Variants in DCC observed in about 807,000 individuals in gnomAD.
DCC encodes DCC netrin 1 receptor.
A neutral mutation model predicts 172.5 loss-of-function variants in DCC; 58 were observed. The observed-to-expected ratio is 0.34, with a 90% CI of 0.27 to 0.42. The LOEUF (loss-of-function observed/expected upper bound fraction) is 0.42, where lower values mean the gene tolerates loss of function less well. DCC is among the 10% of genes least tolerant of loss of function. The pLI, the probability that DCC is intolerant of heterozygous loss-of-function variation, is 1.00. For missense variants in DCC, 1,740 were observed against 1,791.0 expected, an observed-to-expected ratio of 0.97 and a Z score of 0.51; for synonymous variants, 709 against 644.5, an observed-to-expected ratio of 1.10 and a Z score of -1.52.
At chr18:53,411,691 T>C (rs1315993031) in intron 20 of DCC, among the ~76,000 whole-genome samples, 1 of 152,150 alleles carries the variant, frequency 6.6e-6, no homozygotes, top group African/African-American at 2.4e-5. Context: ...GCAGCTAATC[T>C]GAAAATTTGC....
At chr18:52,667,648 G>A (rs1456154662) in intron 1 of DCC, among the ~76,000 whole-genome samples, 3 of 152,288 alleles carry the variant, frequency 2.0e-5, no homozygotes, top group Non-Finnish European at 4.4e-5. Flanking sequence ...TTGAATAATT[G>A]GGATCCAGTC....
intron 2 of DCC, among the ~76,000 whole-genome samples, chr18:52,771,055 G>A (rs983439768): frequency 2.6e-5 from 4 of 152,076 alleles, no homozygotes; most frequent in Non-Finnish European, 5.9e-5. Flanking sequence ...GAAATAATCC[G>A]CTTTTCTTTT....
chr18:53,476,134 AG>A (rs1351703041), intron 25 of DCC, among the ~76,000 whole-genome samples: 3 of 152,210 alleles, frequency 2.0e-5, no homozygotes, highest in Non-Finnish European at 2.9e-5. Context: ...CATTTTATAT[AG>A]GAAGTAACTA....
intron 1 of DCC, among the ~76,000 whole-genome samples, chr18:52,556,338 G>T (rs552711399): frequency 6.6e-6 from 1 of 152,132 alleles, no homozygotes; most frequent in South Asian, 2.1e-4. Context: ...CATTATAGAT[G>T]GGTTCAGTAG....
At chr18:52,690,247 G>A (rs2035910694) in intron 1 of DCC, among the ~76,000 whole-genome samples, 1 of 152,124 alleles carries the variant, frequency 6.6e-6, no homozygotes, top group South Asian at 2.1e-4. Context: ...AACACTGTGG[G>A]GATATAGAGA....
intron 11 of DCC, among the ~76,000 whole-genome samples, chr18:53,208,587 A>T (rs1161163131): frequency 6.6e-6 from 1 of 152,182 alleles, no homozygotes; most frequent in Admixed American, 6.5e-5. Flanking sequence ...ATTAAAATTT[A>T]AAGTATTAAA....
At chr18:52,816,652 G>A (rs1341726662) in intron 2 of DCC, 1 of 152,154 alleles carries the variant, frequency 6.6e-6, no homozygotes, top group East Asian at 1.9e-4. Context: ...GTGAGGCTGA[G>A]AAAGTTTGGA....
intron 12 of DCC, among the ~76,000 whole-genome samples, chr18:53,287,734 A>T (rs2056952597): frequency 6.6e-6 from 1 of 152,154 alleles, no homozygotes; most frequent in Non-Finnish European, 1.5e-5. Context: ...TTACTATCCT[A>T]ATTTGGTATC....
At chr18:53,312,324 G>A (rs2057282278) in intron 13 of DCC, among the ~76,000 whole-genome samples, 1 of 113,772 alleles carries the variant, frequency 8.8e-6, no homozygotes, top group Non-Finnish European at 1.6e-5. Context: ...CTGGGCGACA[G>A]AGCCAGACTC....
intron 1 of DCC, among the ~76,000 whole-genome samples, chr18:52,369,117 C>T (rs757263986): frequency 4.1e-4 from 62 of 152,128 alleles, no homozygotes; most frequent in Non-Finnish European, 7.9e-4. Flanking sequence ...TTCCTTGTCT[C>T]TCCAAGAATG....
intron 7 of DCC, among the ~76,000 whole-genome samples, chr18:53,068,825 G>T: frequency 6.7e-6 from 1 of 149,498 alleles, no homozygotes; most frequent in Non-Finnish European, 1.5e-5. Context: ...GTGTTGCTGG[G>T]GACTGATTGC....
intron 15 of DCC, among the ~76,000 whole-genome samples, chr18:53,380,992 A>C (rs1472077380): frequency 6.6e-6 from 1 of 152,154 alleles, no homozygotes; most frequent in Non-Finnish European, 1.5e-5. Context: ...TCGACTCAGC[A>C]TATTCTATAC....
chr18:53,088,600 C>G (rs1204445972), intron 7 of DCC, among the ~76,000 whole-genome samples: 1 of 152,070 alleles, frequency 6.6e-6, no homozygotes, highest in African/African-American at 2.4e-5. Context: ...ACACAAAAAA[C>G]CCTTCAAAAA....
At chr18:52,702,959 C>A (rs140119858) in intron 1 of DCC, among the ~76,000 whole-genome samples, 126 of 152,162 alleles carry the variant, frequency 8.3e-4, no homozygotes, top group African/African-American at 2.8e-3. Flanking sequence ...AACTTTCTGC[C>A]TATTTTGTAG....
intron 1 of DCC, among the ~76,000 whole-genome samples, chr18:52,644,196 C>A (rs2034965251): frequency 6.6e-6 from 1 of 152,110 alleles, no homozygotes; most frequent in Non-Finnish European, 1.5e-5. Context: ...CATCACCAGA[C>A]CCCCTTGGGC....
At chr18:52,493,592 TTTTA>T (rs1444685069) in intron 1 of DCC, among the ~76,000 whole-genome samples, 3 of 135,204 alleles carry the variant, frequency 2.2e-5, no homozygotes, top group Admixed American at 1.5e-4. Context: ...ATATATATTA[TTTTA>T]TTTGTTTTCT....
chr18:53,401,749 T>C (rs1909310049), intron 18 of DCC, among the ~76,000 whole-genome samples: 1 of 152,184 alleles, frequency 6.6e-6, no homozygotes, highest in Non-Finnish European at 1.5e-5. Flanking sequence ...TTGCCGTGGA[T>C]AACAGACTTG....
chr18:53,225,795 T>C (rs2056017602), intron 12 of DCC, among the ~76,000 whole-genome samples: 1 of 152,132 alleles, frequency 6.6e-6, no homozygotes, highest in South Asian at 2.1e-4. Flanking sequence ...TCATGTTTGT[T>C]TTTCTCCCCA....
intron 12 of DCC, among the ~76,000 whole-genome samples, chr18:53,291,630 G>T (rs1406915398): frequency 6.6e-6 from 1 of 152,072 alleles, no homozygotes; most frequent in East Asian, 1.9e-4. Context: ...TAACTCCCCT[G>T]ATGTATTTCT....
Sources: gnomAD v4.1 joint callset for allele counts (sites outside exome capture counted in the v4.1 genomes callset) on GRCh38, gnomAD v4.1.1 for gene constraint, MANE v1.5 for transcripts, NCBI Gene and HGNC (gene_info 2026-07-23, HGNC 2026-07-21) for gene names.